PRELID2: variants seen among roughly 807,000 people sequenced by gnomAD.
PRELID2 encodes PRELI domain-containing protein 2.
Under a neutral mutation model 28.4 loss-of-function variants are expected in PRELID2, and 25 were observed. The observed-to-expected ratio is 0.88, with a 90% CI of 0.64 to 1.23. The LOEUF (loss-of-function observed/expected upper bound fraction) is 1.23. PRELID2 is among the 50% of genes most tolerant of loss of function. The pLI, the probability that PRELID2 is intolerant of heterozygous loss-of-function variation, is 0.00. For synonymous variants in PRELID2, 76 were observed against 71.6 expected, an observed-to-expected ratio of 1.06 and a Z score of -0.31; for missense variants, 201 against 214.4, an observed-to-expected ratio of 0.94 and a Z score of 0.39.
chr5:145,455,969 G>A, the PRELID2 span, among the ~76,000 whole-genome samples: 1 of 147,872 alleles, frequency 6.8e-6, no homozygotes, highest in African/African-American at 2.5e-5. Flanking sequence ...CTGCAGACTG[G>A]AGCCGCTCCT....
chr5:145,380,434 G>A, the PRELID2 span, among the ~76,000 whole-genome samples: 39 of 152,130 alleles, frequency 2.6e-4, no homozygotes, highest in Middle Eastern at 0.014. Context: ...TGCTCTAATC[G>A]GCCACCTTGT....
In PRELID2 at chr5:145,596,099, C is replaced by CAAAAAAAAAAAA. The variant is rs552746530; in HGVS notation, n.71-122796_71-122785dup. ...TGGGTGACAGAGTGAGAGCCTGTCT[C>CAAAAAAAAAAAA]AAAAAAAAAAAAAAAAAAAAGTCTG... On this transcript the variant is annotated intron_variant and non_coding_transcript_variant, in intron 1 of 2. Transcript: ENST00000510259. Among the ~76,000 whole-genome samples, 173 of 43,922 alleles carry CAAAAAAAAAAAA rather than the reference C, an allele frequency of 3.9e-3. 2 individuals are homozygous for CAAAAAAAAAAAA. The highest frequency in any genetic ancestry group is 0.011 in the Middle Eastern group (1 of 92). The allele number at this position is 43,922 out of a possible 152,430, so 28.8% of individuals were successfully genotyped here. A position where few individuals can be genotyped will look rare whatever the true frequency, so the allele number is the denominator to read the frequency against.
chr5:145,357,223 G>A, the PRELID2 span, among the ~76,000 whole-genome samples: 1 of 152,068 alleles, frequency 6.6e-6, no homozygotes, highest in African/African-American at 2.4e-5. Context: ...TTCTGGGGAT[G>A]GTTTCTTATA....
intron 1 of PRELID2, among the ~76,000 whole-genome samples, chr5:145,737,313 T>C (rs1368342): frequency 0.89 from 135,105 of 151,918 alleles, 60,128 homozygotes; most frequent in East Asian, 0.99. Context: ...AGAAGCAATG[T>C]TTCCGCTGAG....
At chr5:145,275,826 T>C in the PRELID2 span, among the ~76,000 whole-genome samples, 1 of 152,268 alleles carries the variant, frequency 6.6e-6, no homozygotes, top group African/African-American at 2.4e-5. Context: ...CCTCTACCAC[T>C]TACCAGCTTG....
chr5:145,823,236 A>C (rs891928258), intron 1 of PRELID2, 102 bp from the exon 2 acceptor site: 3 of 590,636 alleles, frequency 5.1e-6, no homozygotes, highest in Admixed American at 2.9e-5. Flanking sequence ...ATATTTTCCA[A>C]GAAACTTCTA....
At chr5:145,580,656 C>T (rs1283192497) in intron 1 of PRELID2, among the ~76,000 whole-genome samples, 1 of 151,978 alleles carries the variant, frequency 6.6e-6, no homozygotes, top group African/African-American at 2.4e-5. Context: ...TGAACCAAGC[C>T]TTCAATCTTA....
At chr5:145,765,223 C>T (rs1047227708) in intron 5 of PRELID2, among the ~76,000 whole-genome samples, 3 of 152,126 alleles carry the variant, frequency 2.0e-5, no homozygotes, top group African/African-American at 4.8e-5. Flanking sequence ...ATGGGCAGAA[C>T]GGAGCTTATG....
intron 1 of PRELID2, among the ~76,000 whole-genome samples, chr5:145,476,668 T>G (rs1056518935): frequency 6.6e-6 from 1 of 152,044 alleles, no homozygotes; most frequent in Non-Finnish European, 1.5e-5. Flanking sequence ...AAATAAAAAT[T>G]TATTAATTGT....
In PRELID2 at chr5:145,758,704, C is replaced by T. The variant is rs143113426; in HGVS notation, c.*1832G>A. 1.4e-3 allele frequency among the ~76,000 whole-genome samples: 220 copies of T among 152,190 alleles called. 1 individual carries two copies. The highest frequency in any genetic ancestry group is 4.9e-3 in the African/African-American group (205 of 41,508). On this transcript the variant is annotated 3_prime_UTR_variant, in exon 7 of 7. Transcript: ENST00000683046. ...TTGAAATAGGCTATTACTCCAAAAGCCTACCAAATGCCATCTACAAATTGG... is the reference window on the plus strand; with the variant it reads ...TTGAAATAGGCTATTACTCCAAAAGTCTACCAAATGCCATCTACAAATTGG...
At chr5:145,575,963 A>T (rs1285274307) in intron 1 of PRELID2, among the ~76,000 whole-genome samples, 8 of 152,052 alleles carry the variant, frequency 5.3e-5, no homozygotes, top group Non-Finnish European at 1.0e-4. Context: ...CATCCTCCCA[A>T]CCACGTTTTA....
chr5:145,808,300 C>T (rs1470459488), intron 4 of PRELID2, among the ~76,000 whole-genome samples: 1 of 151,880 alleles, frequency 6.6e-6, no homozygotes, highest in Non-Finnish European at 1.5e-5. Context: ...AATGCCAGTG[C>T]CAATCTTAAA....
chr5:145,531,376 C>T (rs1752654048), intron 1 of PRELID2, among the ~76,000 whole-genome samples: 1 of 152,178 alleles, frequency 6.6e-6, no homozygotes, highest in African/African-American at 2.4e-5. Flanking sequence ...TTGTTGTTTA[C>T]TTCTGGCTAG....
the PRELID2 span, among the ~76,000 whole-genome samples, chr5:145,311,897 C>G: frequency 6.6e-6 from 1 of 152,132 alleles, no homozygotes; most frequent in South Asian, 2.1e-4. Context: ...TGGTTCCGCA[C>G]TTTTATTCTA....
chr5:145,514,758 C>G (rs1320492317), intron 1 of PRELID2, among the ~76,000 whole-genome samples: 1 of 152,066 alleles, frequency 6.6e-6, no homozygotes, highest in African/African-American at 2.4e-5. Flanking sequence ...GTAAAACACT[C>G]CTTAGCAAAT....
At chr5:145,740,282 A>G (rs1756623970) in intron 1 of PRELID2, among the ~76,000 whole-genome samples, 1 of 66,792 alleles carries the variant, frequency 1.5e-5, no homozygotes, top group Admixed American at 1.5e-4. Flanking sequence ...ATATATATAT[A>G]TATATATATA....
chr5:145,697,583 A>G (rs80104035), intron 1 of PRELID2, among the ~76,000 whole-genome samples: 7,045 of 152,256 alleles, frequency 0.046, 575 homozygotes, highest in African/African-American at 0.16. Flanking sequence ...TAGTGACAAC[A>G]GAGACTCTAT....
the PRELID2 span, among the ~76,000 whole-genome samples, chr5:145,413,467 T>A: frequency 1.3e-5 from 2 of 152,082 alleles, no homozygotes; most frequent in African/African-American, 4.8e-5. Context: ...TGATCCAGAA[T>A]CCCACTACTG....
At chr5:145,376,833 G>A in the PRELID2 span, among the ~76,000 whole-genome samples, 1 of 151,854 alleles carries the variant, frequency 6.6e-6, no homozygotes, top group Non-Finnish European at 1.5e-5. Flanking sequence ...TTTTTTGAAA[G>A]ACAGGTGTCT....
Sources: allele counts gnomAD v4.1 joint callset (sites outside exome capture counted in the v4.1 genomes callset), GRCh38; gene constraint gnomAD v4.1.1; transcripts MANE v1.5; gene names NCBI Gene and HGNC (gene_info 2026-07-23, HGNC 2026-07-21).